Variants in EYS observed in about 807,000 individuals in gnomAD.
EYS encodes protein eyes shut homolog.
EYS carries 250 observed loss-of-function variants against 282.1 expected under a neutral mutation model. That is an observed-to-expected ratio of 0.89 (90% CI 0.80 to 0.98). The LOEUF is 0.98. EYS is among the 50% of genes least tolerant of loss of function. The pLI is 0.00. For synonymous variants in EYS, 1,355 were observed against 1,282.9 expected (o/e 1.06, Z -1.20); for missense variants, 4,016 against 3,709.0 (o/e 1.08, Z -2.15).
chr6:64,395,207 T>C (rs942124615), intron 28 of EYS, among the ~76,000 whole-genome samples: 41 of 152,206 alleles, frequency 2.7e-4, no homozygotes, highest in African/African-American at 9.4e-4. Flanking sequence ...GTTCAACCAT[T>C]GTGGAAGTCA....
At chr6:64,865,684 A>G (rs1271780831) in intron 19 of EYS, among the ~76,000 whole-genome samples, 1 of 152,092 alleles carries the variant, frequency 6.6e-6, no homozygotes, top group African/African-American at 2.4e-5. Context: ...ATTTAAAATT[A>G]TGTTCATTTT....
At position 64,856,685 on chromosome 6, in the gene EYS, G is replaced by T. The variant is rs370025622; in HGVS notation, c.2992+30012C>A. ...AATATAAGTTTCTTAACATATGCAC[G>T]TTTCACAAACATTTTATCTCATTTT... On this transcript the variant is annotated intron_variant, in intron 19 of 42. Coordinates refer to ENST00000503581, the MANE Select transcript of EYS (RefSeq NM_001142800.2). Among the ~76,000 whole-genome samples, 6 of 152,018 alleles carry T rather than the reference G, an allele frequency of 3.9e-5. 1 individual carries two copies. Among genetic ancestry groups the T allele is most frequent in the Admixed American group, 3.3e-4 (5 of 15,258 alleles).
intron 11 of EYS, chr6:65,331,428 TC>T: frequency 1.3e-6 from 1 of 777,556 alleles, no homozygotes; most frequent in Non-Finnish European, 1.6e-6. Flanking sequence ...ACAGGTGGTA[TC>T]ACACATATAA....
chr6:65,301,323 G>A (rs1322340829), intron 11 of EYS, among the ~76,000 whole-genome samples: 2 of 152,148 alleles, frequency 1.3e-5, no homozygotes, highest in Non-Finnish European at 2.9e-5. Context: ...GTGAAACCCC[G>A]TCTCTACCAA....
At position 64,261,288 on chromosome 6, in the gene EYS, A is replaced by G. The variant is rs961512272; in HGVS notation, c.6192-30464T>C. On this transcript the variant is annotated intron_variant, in intron 30 of 42. Transcript: ENST00000503581. ...ACCAAAGCAATGATGGACAAATGAG[A>G]TAACACCAAGCTAAAAAGCTTCTGC... is the stretch of plus-strand genomic sequence containing the variant. Among the ~76,000 whole-genome samples the G allele has an allele frequency of 6.6e-5, 10 of 152,124 alleles. No individual in the cohort carries two copies. In the East Asian group the frequency reaches 7.7e-4, roughly 12 times the overall value.
rs543779326 is a variant in EYS at position 65,110,025 on chromosome 6, A to T, written c.2024-52298T>A. 1.6e-3 allele frequency among the ~76,000 whole-genome samples: 249 copies of T among 152,306 alleles called. 2 individuals carry two copies. The highest frequency in any genetic ancestry group is 5.7e-3 in the African/African-American group (239 of 41,592). ...GCTCAAGCAACTTGGTTTATAAGAT[A>T]TAAAACATCTCAAACTATGTTCTTG... On this transcript the variant is annotated intron_variant, in intron 12 of 42. Coordinates refer to ENST00000503581, the MANE Select transcript of EYS (RefSeq NM_001142800.2).
chr6:65,461,522 G>T (rs940943685), intron 5 of EYS, among the ~76,000 whole-genome samples: 2 of 151,912 alleles, frequency 1.3e-5, no homozygotes, highest in Admixed American at 1.3e-4. Flanking sequence ...CTGCGATTTG[G>T]GTTCTGGCCT....
chr6:64,539,948 G>A (rs531424271), intron 26 of EYS, among the ~76,000 whole-genome samples: 1 of 152,240 alleles, frequency 6.6e-6, no homozygotes, highest in South Asian at 2.1e-4. Flanking sequence ...TGAAATAATT[G>A]TGTCCTGAAA....
At chr6:64,130,926 G>A (rs1294486867) in intron 31 of EYS, among the ~76,000 whole-genome samples, 1 of 152,158 alleles carries the variant, frequency 6.6e-6, no homozygotes, top group Non-Finnish European at 1.5e-5. Context: ...GGAGTGAAGT[G>A]GCGTGATCTC....
intron 41 of EYS, among the ~76,000 whole-genome samples, chr6:63,752,612 C>T (rs2149649253): frequency 6.6e-6 from 1 of 151,794 alleles, no homozygotes; most frequent in South Asian, 2.1e-4. Flanking sequence ...CCTGCCTCAG[C>T]CTCCCCAGCA....
intron 28 of EYS, among the ~76,000 whole-genome samples, chr6:64,425,355 T>TA (rs1044604611): frequency 4.6e-5 from 7 of 151,700 alleles, no homozygotes; most frequent in African/African-American, 1.2e-4. Context: ...AGAGCCCAAA[T>TA]AAAAAAATGA....
Position 64,343,353 on chromosome 6 carries a change from C to T in EYS, c.6079-36271G>A, listed in dbSNP as rs569977120. ...GTAAAAGAACAGAAATTATAACAAA[C>T]TGTCTCTCAGACCACAGTGCAATCA... On this transcript the variant is annotated intron_variant, in intron 29 of 42. Coordinates refer to ENST00000503581, the MANE Select transcript of EYS (RefSeq NM_001142800.2). Among the ~76,000 whole-genome samples the T allele has an allele frequency of 1.6e-3, 248 of 152,090 alleles. 2 individuals are homozygous for T. Among genetic ancestry groups the T allele is most frequent in the African/African-American group, 5.8e-3 (241 of 41,496 alleles).
chr6:64,517,667 AG>A (rs1237098562), intron 26 of EYS, among the ~76,000 whole-genome samples: 1 of 151,782 alleles, frequency 6.6e-6, no homozygotes, highest in East Asian at 1.9e-4. Context: ...TGTTCATGTG[AG>A]GCATGTGAAA....
chr6:63,842,606 G>A (rs138635299), intron 36 of EYS, among the ~76,000 whole-genome samples: 220 of 152,176 alleles, frequency 1.4e-3, no homozygotes, highest in African/African-American at 3.7e-3. Flanking sequence ...AAGCTCTTTC[G>A]TTTAATTAGA....
rs1259182464 is a variant in EYS, at chr6:64,396,201, C to A, written c.5928-7361G>T. On this transcript the variant is annotated intron_variant, in intron 28 of 42. Transcript: ENST00000503581. ...TCAAGATATATAGTCAGATACTTCACAAATTATTCTAATGTTGGTATACTG... is the reference window on the plus strand; with the variant it reads ...TCAAGATATATAGTCAGATACTTCAAAAATTATTCTAATGTTGGTATACTG... 2.6e-5 allele frequency among the ~76,000 whole-genome samples: 4 copies of A among 152,126 alleles called. No individual in the cohort carries two copies. The East Asian group carries it at 7.7e-4, about 29-fold the overall frequency.
chr6:65,031,100 AAC>A (rs1772588062), intron 13 of EYS, among the ~76,000 whole-genome samples: 2 of 150,282 alleles, frequency 1.3e-5, no homozygotes, highest in Non-Finnish European at 3.0e-5. Flanking sequence ...AACCATTCTA[AAC>A]ACACACACAT....
intron 15 of EYS, among the ~76,000 whole-genome samples, chr6:64,937,890 C>T (rs1231603214): frequency 2.0e-5 from 3 of 151,522 alleles, no homozygotes; most frequent in East Asian, 3.9e-4. Context: ...TGTTTATCAG[C>T]TGAAAAATAA....
chr6:64,211,173 T>C (rs145745228), intron 31 of EYS, among the ~76,000 whole-genome samples: 1 of 152,140 alleles, frequency 6.6e-6, no homozygotes, highest in Non-Finnish European at 1.5e-5. Flanking sequence ...AATCTATCTA[T>C]CCGTCTATCT....
intron 26 of EYS, among the ~76,000 whole-genome samples, chr6:64,554,700 C>A (rs1206881368): frequency 6.6e-6 from 1 of 151,430 alleles, no homozygotes; most frequent in East Asian, 1.9e-4. Flanking sequence ...AACAAATGAC[C>A]CAATCAAAAA....
Sources: gnomAD v4.1 joint callset for allele counts (sites outside exome capture counted in the v4.1 genomes callset) on GRCh38, gnomAD v4.1.1 for gene constraint, MANE v1.5 for transcripts, NCBI Gene and HGNC (gene_info 2026-07-23, HGNC 2026-07-21) for gene names.